Variants in ADGRD1 observed in about 807,000 individuals in gnomAD.
The protein encoded by ADGRD1 is G-protein coupled receptor 133.
In ADGRD1, 77 loss-of-function variants were observed where a neutral mutation model predicts 113.4. The ratio of observed to expected loss-of-function variants is 0.68; its 90% CI spans 0.57 to 0.82. The LOEUF (loss-of-function observed/expected upper bound fraction) is 0.82. Ranked by LOEUF, ADGRD1 falls within the 40% of genes least tolerant of loss-of-function variation. The probability of loss-of-function intolerance (pLI) is 0.00; values close to 1 mark genes in which losing one functional copy is unlikely to be tolerated. For synonymous variants in ADGRD1, 474 were observed against 475.0 expected (o/e 1.00, Z 0.03); for missense variants, 1,036 against 1,139.1 (o/e 0.91, Z 1.30).
At chr12:130,996,864 T>C (rs370246849) in intron 8 of ADGRD1, among the ~76,000 whole-genome samples, 1,714 of 61,236 alleles carry the variant, frequency 0.028, 23 homozygotes, top group African/African-American at 0.056. Context: ...CCGGACGGGG[T>C]GGCTGGCCGG....
chr12:131,065,760 C>T (rs1884675197), intron 13 of ADGRD1, among the ~76,000 whole-genome samples: 2 of 149,264 alleles, frequency 1.3e-5, no homozygotes, highest in Admixed American at 1.3e-4. Context: ...GTATTTTTAT[C>T]AGTAGATGAG....
intron 20 of ADGRD1, among the ~76,000 whole-genome samples, chr12:131,121,610 C>G (rs953775386): frequency 2.0e-5 from 3 of 152,148 alleles, no homozygotes; most frequent in Admixed American, 2.0e-4. Flanking sequence ...GAACTCCTGA[C>G]CTCAGGTGAT....
At chr12:131,052,392 C>G (rs910187124) in intron 13 of ADGRD1, among the ~76,000 whole-genome samples, 4 of 152,204 alleles carry the variant, frequency 2.6e-5, no homozygotes, top group African/African-American at 9.7e-5. Context: ...CTCACCTGTT[C>G]CCGAACTCAG....
chr12:131,138,630 C>T (rs1448421159), intron 24 of ADGRD1, among the ~76,000 whole-genome samples: 1 of 152,148 alleles, frequency 6.6e-6, no homozygotes, highest in African/African-American at 2.4e-5. Flanking sequence ...GCTCAGGTGT[C>T]CCATCCTCAG....
chr12:131,102,033 G>T (rs1224735931), intron 15 of ADGRD1, among the ~76,000 whole-genome samples: 1 of 152,176 alleles, frequency 6.6e-6, no homozygotes, highest in South Asian at 2.1e-4. Flanking sequence ...GAACAGGGGG[G>T]TTTATTTTAC....
At chr12:131,059,090 GT>G (rs1164329688) in intron 13 of ADGRD1, among the ~76,000 whole-genome samples, 2 of 152,036 alleles carry the variant, frequency 1.3e-5, no homozygotes, top group African/African-American at 4.8e-5. Context: ...AATTTATGTT[GT>G]TTTTCTTCAA....
Position 131,043,484 on chromosome 12 carries a change from G to A in ADGRD1, c.1473+29144G>A, listed in dbSNP as rs147871855. Among the ~76,000 whole-genome samples, 530 of 152,378 alleles carry A rather than the reference G, an allele frequency of 3.5e-3. 5 individuals carry two copies. The highest frequency in any genetic ancestry group is 0.011 in the African/African-American group (477 of 41,588). ...GGCAAAACATGACTTGGCTGTGGGC[G>A]TGTGGAACGCACGGCTTTGTCCTTG... is the stretch of plus-strand genomic sequence containing the variant. On this transcript the variant is annotated intron_variant, in intron 13 of 24. Transcript: ENST00000261654.
chr12:131,130,354 A>G (rs1950881789), intron 20 of ADGRD1, among the ~76,000 whole-genome samples: 4 of 152,182 alleles, frequency 2.6e-5, no homozygotes, highest in Admixed American at 1.3e-4. Context: ...TGAAGACAGG[A>G]GCCGAGGAGG....
At chr12:131,019,177 T>C (rs1879007030) in intron 13 of ADGRD1, among the ~76,000 whole-genome samples, 1 of 152,236 alleles carries the variant, frequency 6.6e-6, no homozygotes, top group Non-Finnish European at 1.5e-5. Flanking sequence ...GTGGACCGGC[T>C]CCTGCTGCTC....
intron 11 of ADGRD1, among the ~76,000 whole-genome samples, chr12:131,004,897 C>T (rs1876890807): frequency 1.3e-5 from 2 of 152,232 alleles, no homozygotes; most frequent in South Asian, 2.1e-4. Context: ...GACCGTCACC[C>T]TCTCTGGTTC....
chr12:131,049,171 T>C (rs1883137369), intron 13 of ADGRD1, among the ~76,000 whole-genome samples: 1 of 152,242 alleles, frequency 6.6e-6, no homozygotes, highest in Non-Finnish European at 1.5e-5. Flanking sequence ...ACCGAGTCCC[T>C]GGGGTCTCTG....
At chr12:130,994,287 G>A (rs1029228695) in intron 8 of ADGRD1, 3 of 449,164 alleles carry the variant, frequency 6.7e-6, no homozygotes, top group Admixed American at 4.8e-5. Context: ...TTATTAATAC[G>A]AACACTCTTG....
At chr12:130,998,015 A>G (rs1425706253) in intron 8 of ADGRD1, among the ~76,000 whole-genome samples, 1 of 152,196 alleles carries the variant, frequency 6.6e-6, no homozygotes, top group African/African-American at 2.4e-5. Flanking sequence ...CAGCCTGGCC[A>G]ACACAGCGAA....
intron 15 of ADGRD1, among the ~76,000 whole-genome samples, chr12:131,095,931 T>C (rs928979902): frequency 2.0e-5 from 3 of 152,114 alleles, no homozygotes; most frequent in Non-Finnish European, 2.9e-5. Flanking sequence ...GATACACGCA[T>C]GTGGGAAAAT....
intron 13 of ADGRD1, among the ~76,000 whole-genome samples, chr12:131,046,266 GC>G (rs1566061717): frequency 7.1e-4 from 33 of 46,724 alleles, no homozygotes; most frequent in South Asian, 1.5e-3. Flanking sequence ...CCTGGTCAGT[GC>G]TCCCTCCCTG....
chr12:130,975,834 C>T (rs1395921222), intron 4 of ADGRD1, among the ~76,000 whole-genome samples: 1 of 152,188 alleles, frequency 6.6e-6, no homozygotes, highest in African/African-American at 2.4e-5. Context: ...GGGCTAAATT[C>T]CGTCTCGAGT....
At position 131,139,221 on chromosome 12, in the gene ADGRD1, G is replaced by A; in HGVS notation, c.2583G>A (p.Lys861=). The change falls in exon 25 of 25, where the codon AAG becomes AAA. Residue 861 remains lysine (K), a synonymous_variant. Transcript: ENST00000261654. ...MASTKLSPWD[K]SSHSAHRVDL... Reference sequence around the variant, plus strand: ...CCACCAAGCTCAGCCCTTGGGACAAGAGCAGCCACTCTGCCCACCGCGTCG... The same window carrying A: ...CCACCAAGCTCAGCCCTTGGGACAAAAGCAGCCACTCTGCCCACCGCGTCG... 1.2e-6 allele frequency: 2 copies of A among 1,612,524 alleles called. No individual in the cohort carries two copies. Among genetic ancestry groups the A allele is most frequent in the Non-Finnish European group, 1.7e-6 (2 of 1,179,804 alleles).
rs1265722911 is a variant in ADGRD1 at position 131,060,745 on chromosome 12, T to A, written c.1474-16056T>A. Among the ~76,000 whole-genome samples, 1 of 152,190 alleles carries A rather than the reference T, an allele frequency of 6.6e-6. No individual in the cohort carries two copies. Among genetic ancestry groups the A allele is most frequent in the Non-Finnish European group, 1.5e-5 (1 of 68,028 alleles). On this transcript the variant is annotated intron_variant, in intron 13 of 24. Coordinates refer to ENST00000261654, the MANE Select transcript of ADGRD1 (RefSeq NM_198827.5). The surrounding 1 kb of genome is among the most constrained non-coding windows in gnomAD (Gnocchi z 4.4). ...GTATCAGTAGCTACCCCTGGATTCT[T>A]TTGATCAAAAACTTTGGGATGCGGA...
At chr12:130,985,084 G>A (rs940666763) in intron 5 of ADGRD1, among the ~76,000 whole-genome samples, 9 of 144,564 alleles carry the variant, frequency 6.2e-5, no homozygotes, top group Non-Finnish European at 1.2e-4. Context: ...ACCGGCATGT[G>A]CCACCATGTC....
Sources: gnomAD v4.1 joint callset for allele counts (sites outside exome capture counted in the v4.1 genomes callset) on GRCh38, gnomAD v4.1.1 for gene constraint, Gnocchi (gnomAD v3.1) non-coding constraint, MANE v1.5 for transcripts, NCBI Gene and HGNC (gene_info 2026-07-23, HGNC 2026-07-21) for gene names.